UNC5D: variants seen among roughly 807,000 people sequenced by gnomAD.
The protein encoded by UNC5D is unc-5 netrin receptor D.
Under a neutral mutation model 105.4 loss-of-function variants are expected in UNC5D, and 39 were observed. The observed-to-expected ratio is 0.37, with a 90% CI of 0.29 to 0.48. The LOEUF (loss-of-function observed/expected upper bound fraction) is 0.48, where lower values mean the gene tolerates loss of function less well. UNC5D is among the 20% of genes least tolerant of loss of function. The probability of loss-of-function intolerance (pLI) is 0.98; values close to 1 mark genes in which losing one functional copy is unlikely to be tolerated. For missense variants in UNC5D, 991 were observed against 1,202.4 expected, an observed-to-expected ratio of 0.82 and a Z score of 2.60; for synonymous variants, 452 against 450.4, an observed-to-expected ratio of 1.00 and a Z score of -0.04.
chr8:35,446,011 A>G (rs988463709), intron 1 of UNC5D, among the ~76,000 whole-genome samples: 1 of 151,966 alleles, frequency 6.6e-6, no homozygotes, highest in South Asian at 2.1e-4. Context: ...TTTTTCTTAA[A>G]TTTTTTATTT....
intron 1 of UNC5D, among the ~76,000 whole-genome samples, chr8:35,462,358 G>T (rs557945160): frequency 6.6e-6 from 1 of 151,838 alleles, no homozygotes; most frequent in Non-Finnish European, 1.5e-5. Flanking sequence ...AATAACACTC[G>T]TCAATCTCAT....
intron 1 of UNC5D, among the ~76,000 whole-genome samples, chr8:35,370,220 A>T (rs1802351524): frequency 6.6e-6 from 1 of 152,320 alleles, no homozygotes; most frequent in Admixed American, 6.5e-5. Flanking sequence ...ATGGCTACTC[A>T]TTTTGAAGGA....
At chr8:35,588,340 T>A (rs1015685732) in intron 3 of UNC5D, among the ~76,000 whole-genome samples, 1 of 152,108 alleles carries the variant, frequency 6.6e-6, no homozygotes, top group African/African-American at 2.4e-5. Flanking sequence ...TATGTATATA[T>A]GTTTAAAAGG....
chr8:35,535,437 G>GT (rs111304147), intron 1 of UNC5D, among the ~76,000 whole-genome samples: 3,467 of 142,450 alleles, frequency 0.024, 41 homozygotes, highest in Non-Finnish European at 0.032. Flanking sequence ...TGTTGTTGCT[G>GT]TTTTTTTTTT....
chr8:35,342,114 AGCCCTTTGTAGAATTCGTAGG>A (rs1330491500), intron 1 of UNC5D, among the ~76,000 whole-genome samples: 23 of 152,184 alleles, frequency 1.5e-4, no homozygotes, highest in African/African-American at 4.3e-4. Context: ...ATCTGAGCAA[AGCCCTTTGTAGAATTCGTAGG>A]GCCCAGTGTA....
At chr8:35,582,095 C>T (rs900053683) in intron 3 of UNC5D, among the ~76,000 whole-genome samples, 1 of 152,224 alleles carries the variant, frequency 6.6e-6, no homozygotes, top group African/African-American at 2.4e-5. Context: ...CCAGATCATG[C>T]TATTCCTATG....
chr8:35,605,543 C>T lies in UNC5D; in HGVS notation c.570+9886C>T, dbSNP rs796138466. Among the ~76,000 whole-genome samples, 18 of 152,262 alleles carry T rather than the reference C, an allele frequency of 1.2e-4. 1 individual carries two copies. Among genetic ancestry groups the T allele is most frequent in the African/African-American group, 4.3e-4 (18 of 41,564 alleles). Reference sequence around the variant, plus strand: ...CTGTTCTCAGATCTCAAGCTGTGTGCTGGGAGAACCACTACTCTCTTCAAA... The same window carrying T: ...CTGTTCTCAGATCTCAAGCTGTGTGTTGGGAGAACCACTACTCTCTTCAAA... On this transcript the variant is annotated intron_variant, in intron 4 of 16. Coordinates refer to ENST00000404895, the MANE Select transcript of UNC5D (RefSeq NM_080872.4).
intron 14 of UNC5D, among the ~76,000 whole-genome samples, chr8:35,762,517 C>T (rs73578240): frequency 0.075 from 11,342 of 152,164 alleles, 1,149 homozygotes; most frequent in African/African-American, 0.23. Flanking sequence ...CCCAAGTAAA[C>T]AATTCATTAT....
At chr8:35,708,659 G>T (rs1233250782) in intron 8 of UNC5D, among the ~76,000 whole-genome samples, 1 of 152,202 alleles carries the variant, frequency 6.6e-6, no homozygotes, top group Non-Finnish European at 1.5e-5. Flanking sequence ...CTGAGTAGCA[G>T]CTGGTTTGGT....
At chr8:35,493,996 C>T (rs190340333) in intron 1 of UNC5D, among the ~76,000 whole-genome samples, 1 of 152,202 alleles carries the variant, frequency 6.6e-6, no homozygotes, top group East Asian at 1.9e-4. Flanking sequence ...CGGGAGAGGA[C>T]TTAAGCAACT....
chr8:35,777,636 A>G (rs993023595), intron 16 of UNC5D, among the ~76,000 whole-genome samples: 3 of 152,198 alleles, frequency 2.0e-5, no homozygotes, highest in African/African-American at 4.8e-5. Context: ...ACTCGGCAAC[A>G]TTCAACTCTG....
chr8:35,243,464 G>A (rs1802914749), intron 1 of UNC5D, among the ~76,000 whole-genome samples: 1 of 152,098 alleles, frequency 6.6e-6, no homozygotes, highest in Non-Finnish European at 1.5e-5. Flanking sequence ...GTCATAAAGA[G>A]GAAATTGACT....
chr8:35,489,241 C>T (rs1038715506), intron 1 of UNC5D, among the ~76,000 whole-genome samples: 5 of 152,206 alleles, frequency 3.3e-5, no homozygotes, highest in Admixed American at 6.5e-5. Flanking sequence ...CCCCTGACCT[C>T]AGGTGATCCA....
intron 6 of UNC5D, 78 bp downstream of exon 6, chr8:35,684,827 T>C: frequency 6.8e-7 from 1 of 1,465,414 alleles, no homozygotes; most frequent in Non-Finnish European, 9.1e-7. Context: ...CAATGTTACC[T>C]TCTTTTCCAA....
intron 2 of UNC5D, among the ~76,000 whole-genome samples, chr8:35,561,676 A>G (rs1347244890): frequency 6.6e-6 from 1 of 152,190 alleles, no homozygotes; most frequent in Non-Finnish European, 1.5e-5. Flanking sequence ...GAAAAAAATC[A>G]TAGCTTAGAT....
In UNC5D at chr8:35,306,275, C is replaced by T. The variant is rs1808412566; in HGVS notation, c.103+70388C>T. Among the ~76,000 whole-genome samples the T allele has an allele frequency of 7.2e-5, 11 of 151,854 alleles. 2 individuals are homozygous for T. The South Asian group carries it at 2.1e-3, about 29-fold the overall frequency. ...TGAGATGGCTTCAATATGTTCTCAC[C>T]TAATGGAATTTGCTTAAAAATATCC... On this transcript the variant is annotated intron_variant, in intron 1 of 16. Transcript: ENST00000404895.
chr8:35,718,300 AAGAC>A (rs1828372024), intron 8 of UNC5D, among the ~76,000 whole-genome samples: 1 of 152,228 alleles, frequency 6.6e-6, no homozygotes, highest in South Asian at 2.1e-4. Context: ...TGCCCACAAA[AAGAC>A]AGAATAGTCT....
At chr8:35,408,700 C>T (rs1224706319) in intron 1 of UNC5D, among the ~76,000 whole-genome samples, 2 of 151,122 alleles carry the variant, frequency 1.3e-5, no homozygotes, top group Non-Finnish European at 3.0e-5. Flanking sequence ...AATTTAAAAC[C>T]CACATTCACC....
At chr8:35,406,971 A>C (rs1222700433) in intron 1 of UNC5D, among the ~76,000 whole-genome samples, 1 of 152,188 alleles carries the variant, frequency 6.6e-6, no homozygotes, top group African/African-American at 2.4e-5. Context: ...TATATGAACT[A>C]TCATGTACAG....
Sources: gnomAD v4.1 joint callset for allele counts (sites outside exome capture counted in the v4.1 genomes callset) on GRCh38, gnomAD v4.1.1 for gene constraint, MANE v1.5 for transcripts, NCBI Gene and HGNC (gene_info 2026-07-23, HGNC 2026-07-21) for gene names.